THUMPD2: variants seen among roughly 807,000 people sequenced by gnomAD.
THUMPD2 encodes THUMP domain 2 tRNA and snRNA guanosine methyltransferase.
Under a neutral mutation model 49.4 loss-of-function variants are expected in THUMPD2, and 56 were observed. The ratio of observed to expected loss-of-function variants is 1.13; its 90% CI spans 0.91 to 1.41. The LOEUF (loss-of-function observed/expected upper bound fraction) is 1.41, where lower values mean the gene tolerates loss of function less well. Ranked by LOEUF, THUMPD2 falls within the 40% of genes most tolerant of loss-of-function variation. THUMPD2 has a pLI of 0.00. For missense variants in THUMPD2, 709 were observed against 594.5 expected (o/e 1.19, Z -2.00); for synonymous variants, 237 against 205.2 (o/e 1.15, Z -1.32).
At chr2:39,762,592 T>C (rs1054063510) in intron 5 of THUMPD2, among the ~76,000 whole-genome samples, 2 of 151,912 alleles carry the variant, frequency 1.3e-5, no homozygotes, top group Admixed American at 1.3e-4. Context: ...ACTGTATATA[T>C]ACATTTGGAA....
chr2:39,769,704 G>A lies in THUMPD2; in HGVS notation c.672+6C>T. ...CGACAGACTCCACTTTAGGATGCAA[G>A]CATACCTGTGCAGTGAAGGCCTTTC... is the stretch of plus-strand genomic sequence containing the variant. On this transcript the variant is annotated splice_donor_region_variant and intron_variant, in intron 3 of 9. Coordinates refer to ENST00000505747, the MANE Select transcript of THUMPD2 (RefSeq NM_025264.5). 1 of 1,528,982 alleles carries A rather than the reference G, an allele frequency of 6.5e-7. No individual in the cohort carries two copies. Among genetic ancestry groups the A allele is most frequent in the Non-Finnish European group, 8.7e-7 (1 of 1,147,080 alleles). The allele number at this position is 1,528,982 out of a possible 1,614,324, so 94.7% of individuals were successfully genotyped here.
intron 5 of THUMPD2, among the ~76,000 whole-genome samples, chr2:39,762,407 T>C (rs1005463101): frequency 3.3e-4 from 51 of 152,312 alleles, no homozygotes; most frequent in African/African-American, 1.2e-3. Context: ...ATCCTGTTTT[T>C]GTATTTATTG....
At position 39,766,508 on chromosome 2, in the gene THUMPD2, G is replaced by A. The variant is rs116431231; in HGVS notation, c.751-399C>T. Among the ~76,000 whole-genome samples the A allele has an allele frequency of 3.7e-3, 561 of 152,242 alleles. 7 individuals carry two copies. The highest frequency in any genetic ancestry group is 0.013 in the African/African-American group (528 of 41,542). ...AGGCCACACAGGACTATCAGAGGCT[G>A]CAAATACTTTCAGGGTAACAGAAAA... On this transcript the variant is annotated intron_variant, in intron 4 of 9. Transcript: ENST00000505747.
chr2:39,760,057 A>T (rs890711334), intron 6 of THUMPD2, among the ~76,000 whole-genome samples: 2 of 152,198 alleles, frequency 1.3e-5, no homozygotes, highest in African/African-American at 4.8e-5. Context: ...GTGGAATTCT[A>T]TCTAATGACT....
intron 6 of THUMPD2, among the ~76,000 whole-genome samples, chr2:39,756,501 G>T (rs2148269312): frequency 6.6e-6 from 1 of 151,560 alleles, no homozygotes; most frequent in African/African-American, 2.4e-5. Flanking sequence ...GCAAGGAAAT[G>T]ACTATAATGA....
At chr2:39,768,609 T>C (rs866452793) in intron 3 of THUMPD2, 108 bp from the exon 4 acceptor site, 2 of 895,498 alleles carry the variant, frequency 2.2e-6, no homozygotes, top group Middle Eastern at 3.2e-4. Context: ...TCAGGCTATC[T>C]GATGGTAATT....
In THUMPD2 at chr2:39,779,218, G is replaced by A. The variant is rs1679542717; in HGVS notation, c.22C>T (p.Pro8Ser). Residue 8 changes from proline to serine, a missense_variant, in exon 1 of 10, where the codon CCA becomes TCA. Coordinates refer to ENST00000505747, the MANE Select transcript of THUMPD2 (RefSeq NM_025264.5). ...GCGCCAGCCTCAGGCCCGGACCCTG[G>A]CTCTCCACGCGCCTCCGACATGGCG... MSEARGEPGSGPEAGARF... is the reference protein window; with the variant it reads MSEARGESGSGPEAGARF... 4 of 1,502,084 alleles carry A rather than the reference G, an allele frequency of 2.7e-6. No individual in the cohort carries two copies. Among genetic ancestry groups the A allele is most frequent in the Non-Finnish European group, 3.5e-6 (4 of 1,131,686 alleles). 93.0% of individuals were successfully genotyped at this position (1,502,084 alleles called of 1,614,324 possible). A position where few individuals can be genotyped will look rare whatever the true frequency, so the allele number is the denominator to read the frequency against.
chr2:39,738,676 T>TAC (rs1290184290), intron 9 of THUMPD2, among the ~76,000 whole-genome samples: 4 of 147,598 alleles, frequency 2.7e-5, no homozygotes, highest in East Asian at 2.0e-4. Flanking sequence ...TATGTATATA[T>TAC]ACACATATAT....
intron 4 of THUMPD2, among the ~76,000 whole-genome samples, chr2:39,768,032 A>G (rs17478972): frequency 0.43 from 65,085 of 152,116 alleles, 15,389 homozygotes; most frequent in East Asian, 0.82. Flanking sequence ...CAAAGCCACT[A>G]TTAACATACT....
chr2:39,773,814 A>G (rs759587750), intron 1 of THUMPD2, among the ~76,000 whole-genome samples: 1 of 152,110 alleles, frequency 6.6e-6, no homozygotes, highest in Non-Finnish European at 1.5e-5. Context: ...AGAATTATAC[A>G]TTCTCAAAAC....
At chr2:39,776,438 G>C (rs1043614233) in intron 1 of THUMPD2, among the ~76,000 whole-genome samples, 8 of 149,960 alleles carry the variant, frequency 5.3e-5, no homozygotes, top group Non-Finnish European at 1.0e-4. Flanking sequence ...CTGTCACCCA[G>C]GCTGGAGTGC....
intron 8 of THUMPD2, among the ~76,000 whole-genome samples, chr2:39,747,421 A>C (rs541096106): frequency 2.2e-4 from 33 of 152,188 alleles, no homozygotes; most frequent in Non-Finnish European, 3.8e-4. Context: ...CAAGAAGTCC[A>C]TAAACATTAG....
At chr2:39,769,425 G>C (rs1678004310) in intron 3 of THUMPD2, 1 of 321,682 alleles carries the variant, frequency 3.1e-6, no homozygotes, top group Non-Finnish European at 5.6e-6. Flanking sequence ...CCCCAGGCCA[G>C]GCATGGTGGC....
At chr2:39,769,057 G>A (rs1677940493) in intron 3 of THUMPD2, 1 of 1,304,558 alleles carries the variant, frequency 7.7e-7, no homozygotes, top group Admixed American at 2.3e-5. Context: ...ATGTGCATTT[G>A]CAGTCTAGGT....
intron 6 of THUMPD2, among the ~76,000 whole-genome samples, chr2:39,760,634 T>G (rs914483951): frequency 1.3e-5 from 2 of 151,446 alleles, no homozygotes; most frequent in South Asian, 4.2e-4. Context: ...TTGTAAAAAA[T>G]ATGTAAAGTT....
chr2:39,744,691 G>T (rs1558491527), intron 8 of THUMPD2: 1 of 330,550 alleles, frequency 3.0e-6, no homozygotes, highest in Non-Finnish European at 5.5e-6. Flanking sequence ...TTGAAAATTG[G>T]TTTTTCAGAT....
At chr2:39,743,044 A>T (rs1291039668) in intron 9 of THUMPD2, among the ~76,000 whole-genome samples, 1 of 152,166 alleles carries the variant, frequency 6.6e-6, no homozygotes, top group Non-Finnish European at 1.5e-5. Flanking sequence ...AGCATGGGAC[A>T]CTCAGCTCCC....
intron 8 of THUMPD2, among the ~76,000 whole-genome samples, chr2:39,746,646 T>A (rs530038029): frequency 1.3e-5 from 2 of 152,160 alleles, no homozygotes; most frequent in East Asian, 1.9e-4. Flanking sequence ...GAAAAAAAAA[T>A]TTAGTTTTAA....
intron 8 of THUMPD2, 149 bp downstream of exon 8, chr2:39,755,146 A>C (rs374823283): frequency 0.015 from 6,561 of 451,762 alleles, 152 homozygotes; most frequent in East Asian, 0.063. Context: ...TAAAAAGGTT[A>C]GACTATTAGA....
Sources: allele counts gnomAD v4.1 joint callset (sites outside exome capture counted in the v4.1 genomes callset), GRCh38; gene constraint gnomAD v4.1.1; transcripts MANE v1.5; gene names NCBI Gene and HGNC (gene_info 2026-07-23, HGNC 2026-07-21).